The following TRPM6 variants were observed in gnomAD, a reference collection of about 807,000 sequenced individuals.
TRPM6 encodes channel kinase 2.
A neutral mutation model predicts 247.6 loss-of-function variants in TRPM6; 111 were observed. The ratio of observed to expected loss-of-function variants is 0.45; its 90% CI spans 0.38 to 0.52. The LOEUF is 0.52. TRPM6 is among the 20% of genes least tolerant of loss of function. TRPM6 has a pLI of 0.00. For synonymous variants in TRPM6, 892 were observed against 853.8 expected, an observed-to-expected ratio of 1.04 and a Z score of -0.78; for missense variants, 2,126 against 2,421.5, an observed-to-expected ratio of 0.88 and a Z score of 2.56.
intron 3 of TRPM6, among the ~76,000 whole-genome samples, chr9:74,845,134 A>T (rs73534401): frequency 0.013 from 1,989 of 152,342 alleles, 39 homozygotes; most frequent in African/African-American, 0.045. Context: ...ATGATAAAAT[A>T]AAAAAGTTTG....
chr9:74,727,313 C>T (rs1051145995), intron 38 of TRPM6, among the ~76,000 whole-genome samples: 1 of 136,966 alleles, frequency 7.3e-6, no homozygotes, highest in Non-Finnish European at 1.5e-5. Flanking sequence ...ACCCGGTAGG[C>T]GGAGGTTGTA....
intron 5 of TRPM6, 113 bp from the exon 6 acceptor site, chr9:74,834,235 G>T (rs980842930): frequency 1.6e-6 from 2 of 1,281,412 alleles, no homozygotes; most frequent in Non-Finnish European, 2.2e-6. Context: ...TATTCTTAGG[G>T]AGAGTTGCTG....
intron 17 of TRPM6, among the ~76,000 whole-genome samples, chr9:74,798,946 G>C (rs1239739283): frequency 6.6e-6 from 1 of 152,020 alleles, no homozygotes; most frequent in Admixed American, 6.6e-5. Flanking sequence ...GTATATACAG[G>C]ACAGAAACAT....
At chr9:74,778,935 C>T (rs77379788) in intron 23 of TRPM6, among the ~76,000 whole-genome samples, 4,322 of 152,272 alleles carry the variant, frequency 0.028, 190 homozygotes, top group African/African-American at 0.093. Flanking sequence ...CTCCTGGTGA[C>T]ACCCACAGCA....
intron 1 of TRPM6, among the ~76,000 whole-genome samples, chr9:74,877,717 G>A (rs923795645): frequency 1.3e-5 from 2 of 152,092 alleles, no homozygotes; most frequent in Non-Finnish European, 2.9e-5. Flanking sequence ...ATGCCCTGAG[G>A]AAAGGCAGCC....
chr9:74,732,468 T>C (rs964731719), intron 37 of TRPM6, among the ~76,000 whole-genome samples: 6 of 152,238 alleles, frequency 3.9e-5, no homozygotes, highest in African/African-American at 9.6e-5. Flanking sequence ...TAAATCTAAC[T>C]GCAGATTTAA....
intron 13 of TRPM6, among the ~76,000 whole-genome samples, chr9:74,808,428 CTT>C (rs1317907937): frequency 1.3e-5 from 2 of 152,160 alleles, no homozygotes; most frequent in Non-Finnish European, 2.9e-5. Context: ...CTCTCTCTCT[CTT>C]ACTCTTGCTC....
intron 16 of TRPM6, 82 bp from the exon 17 acceptor site, chr9:74,800,564 C>G: frequency 1.0e-6 from 1 of 973,926 alleles, no homozygotes; most frequent in Non-Finnish European, 1.6e-6. Context: ...CATTTAGAAA[C>G]ATTGTAAAAG....
intron 25 of TRPM6, among the ~76,000 whole-genome samples, chr9:74,768,800 C>T (rs1826913847): frequency 6.6e-6 from 1 of 152,192 alleles, no homozygotes; most frequent in African/African-American, 2.4e-5. Flanking sequence ...CAAATCCACA[C>T]CATTACTGAA....
chr9:74,788,323 A>G (rs1827770372), intron 20 of TRPM6, among the ~76,000 whole-genome samples: 1 of 152,204 alleles, frequency 6.6e-6, no homozygotes, highest in Non-Finnish European at 1.5e-5. Flanking sequence ...ATACAATTCT[A>G]TGGCATCATC....
chr9:74,747,370 T>C (rs1321819967), intron 31 of TRPM6, among the ~76,000 whole-genome samples: 1 of 152,128 alleles, frequency 6.6e-6, no homozygotes, highest in Non-Finnish European at 1.5e-5. Context: ...ACACAGAAGA[T>C]GAAGGTGCCT....
rs1563984198 is a variant in TRPM6, at chr9:74,724,683, A to G, written c.5999T>C (p.Ile2000Thr). ...INSTFGLEIK[I>T]ESAEEPPARE... ...TGCTGGAGGCTCCTCAGCTGATTCT[A>G]TTTTTATCTCAAGTCCAAAGGTGGA... is the stretch of plus-strand genomic sequence containing the variant. The change falls in exon 39 of 39, where the codon ATA becomes ACA. Residue 2000 changes from isoleucine (I) to threonine (T), a missense_variant. Physicochemically the swap from Ile to Thr is moderately conservative, Grantham distance 89. Coordinates refer to ENST00000360774, the MANE Select transcript of TRPM6 (RefSeq NM_017662.5). The G allele has an allele frequency of 1.2e-5, 19 of 1,613,948 alleles. 1 individual carries two copies. The South Asian group carries it at 1.8e-4, about 15-fold the overall frequency.
chr9:74,799,754 C>T, intron 17 of TRPM6: 1 of 166,120 alleles, frequency 6.0e-6, no homozygotes, highest in Non-Finnish European at 1.3e-5. Flanking sequence ...GTGTAAGCAC[C>T]CTCACCTTTG....
chr9:74,829,214 C>G (rs1829461407), intron 6 of TRPM6, among the ~76,000 whole-genome samples: 1 of 152,056 alleles, frequency 6.6e-6, no homozygotes, highest in Non-Finnish European at 1.5e-5. Flanking sequence ...ATCACTTGAA[C>G]CTGGGAGGTG....
chr9:74,762,343 G>T lies in TRPM6; in HGVS notation c.4328C>A (p.Ala1443Asp). The change falls in exon 26 of 39, where the codon GCC (alanine) becomes GAC (aspartate). Residue 1443 changes from alanine (A) to aspartate (D), a missense_variant. This residue lies in a region of TRPM6 where 717 missense variants were observed against 715.9 expected (regional missense o/e 1.00). Transcript: ENST00000360774. ...TCCACCTCCAGTTTGCATGATCTTG[G>T]CTTGGGAAAGAGGGGAGCTCATTGT... ...PMTMSSPLSQ[A>D]KIMQTGGGYV... 1 of 1,614,226 alleles carries T rather than the reference G, an allele frequency of 6.2e-7. No individual in the cohort carries two copies. The highest frequency in any genetic ancestry group is 8.5e-7 in the Non-Finnish European group (1 of 1,180,038).
rs1826695581 is a variant in TRPM6 at position 74,762,781 on chromosome 9, C to CT, written c.3889dup (p.Arg1297LysfsTer6). The stretch of plus-strand genomic sequence containing the variant: ...GTTTGTAATCTCAAGAAGTGCCCCC[C>CT]TCTGCACTCTTGGGGGATGCCGGCC... On this transcript the variant is annotated frameshift_variant, in exon 26 of 39. Transcript: ENST00000360774. LOFTEE classifies it high-confidence loss of function. 1.2e-6 allele frequency: 2 copies of CT among 1,614,042 alleles called. No individual in the cohort carries two copies. Among genetic ancestry groups the CT allele is most frequent in the Non-Finnish European group, 1.7e-6 (2 of 1,180,048 alleles).
At chr9:74,852,191 T>G (rs1830344485) in intron 3 of TRPM6, among the ~76,000 whole-genome samples, 1 of 152,004 alleles carries the variant, frequency 6.6e-6, no homozygotes, top group Admixed American at 6.6e-5. Context: ...GGAACTACTT[T>G]TTAAAACATA....
chr9:74,802,011 C>G lies in TRPM6; in HGVS notation c.1896G>C (p.Glu632Asp). The G allele has an allele frequency of 6.2e-7, 1 of 1,614,228 alleles. No homozygotes were observed. Among genetic ancestry groups the G allele is most frequent in the Non-Finnish European group, 8.5e-7 (1 of 1,180,036 alleles). ...KMAMFFWQHG[E>D]EATVKAVIAC... is the part of the protein sequence containing the mutation. ...CAATCACGGCTTTAACCGTGGCCTCCTCTCCATGCTGCCAGAAGAACATAG... is the reference window on the plus strand; with the variant it reads ...CAATCACGGCTTTAACCGTGGCCTCGTCTCCATGCTGCCAGAAGAACATAG... Residue 632 changes from glutamate (E) to aspartate (D), a missense_variant, in exon 16 of 39, where the codon GAG becomes GAC. By Grantham distance (45) the Glu-to-Asp change is conservative. Transcript: ENST00000360774.
At chr9:74,770,989 C>A (rs1366411228) in intron 25 of TRPM6, among the ~76,000 whole-genome samples, 1 of 152,202 alleles carries the variant, frequency 6.6e-6, no homozygotes, top group East Asian at 1.9e-4. Context: ...GCCAACTCCA[C>A]TGCACAACAA....
Sources: allele counts gnomAD v4.1 joint callset (sites outside exome capture counted in the v4.1 genomes callset), GRCh38; gene constraint gnomAD v4.1.1; regional missense constraint gnomAD v4.1.1; transcripts MANE v1.5; gene names NCBI Gene and HGNC (gene_info 2026-07-23, HGNC 2026-07-21).